Variants in MGAT5B observed in about 807,000 individuals in gnomAD.
MGAT5B encodes alpha-1,6-mannosylglycoprotein 6-beta-N-acetylglucosaminyltransferase B, also known as N-acetylglucosaminyl-transferase Vb.
In MGAT5B, 54 loss-of-function variants were observed where a neutral mutation model predicts 95.1. The observed-to-expected ratio is 0.57, with a 90% confidence interval of 0.46 to 0.71. The LOEUF (loss-of-function observed/expected upper bound fraction) is 0.71, where lower values mean the gene tolerates loss of function less well. Among genes scored for constraint, MGAT5B ranks in the 30% least tolerant of loss-of-function variants. The pLI, the probability that MGAT5B is intolerant of heterozygous loss-of-function variation, is 0.00. For missense variants in MGAT5B, 935 were observed against 1,088.6 expected, an observed-to-expected ratio of 0.86 and a Z score of 1.99; for synonymous variants, 464 against 451.0, an observed-to-expected ratio of 1.03 and a Z score of -0.36.
chr17:76,941,616 T>C (rs1321344295), intron 15 of MGAT5B, among the ~76,000 whole-genome samples: 1 of 152,202 alleles, frequency 6.6e-6, no homozygotes, highest in Non-Finnish European at 1.5e-5. Flanking sequence ...ATCCAGCACT[T>C]TGGGAGGCCG....
Position 76,868,959 on chromosome 17 carries a change from G to A in MGAT5B, c.-71G>A. 1.3e-6 allele frequency: 2 copies of A among 1,485,080 alleles called. No homozygotes were observed. The highest frequency in any genetic ancestry group is 1.4e-5 in the African/African-American group (1 of 71,442). The allele number at this position is 1,485,080 out of a possible 1,614,324, so 92.0% of individuals were successfully genotyped here. ...CCCGCAGAGGGTTCGTGGCCCGGAC[G>A]CGGCGAGAGCTGGGCCCAGGACGGT... is the stretch of plus-strand genomic sequence containing the variant. On this transcript the variant is annotated 5_prime_UTR_variant, in exon 1 of 18. Transcript: ENST00000569840. This position sits in a 1 kb window ranked among gnomAD's most constrained non-coding sequence, Gnocchi z 6.3.
intron 16 of MGAT5B, among the ~76,000 whole-genome samples, chr17:76,946,748 G>A (rs940739499): frequency 4.6e-5 from 7 of 152,254 alleles, no homozygotes; most frequent in African/African-American, 1.2e-4. Flanking sequence ...ACAGTGGTTC[G>A]AAAGTCTGCT....
rs543557609 is a variant in MGAT5B, at chr17:76,931,757, G to A, written c.1292-888G>A. The stretch of plus-strand genomic sequence containing the variant: ...ACAGGAATGAGGAGGCGGCTGTCAG[G>A]GTGGTCCCATTGAGAGCTGATATGG... On this transcript the variant is annotated intron_variant, in intron 10 of 17. Transcript: ENST00000569840. Among the ~76,000 whole-genome samples the A allele has an allele frequency of 4.6e-5, 7 of 152,300 alleles. No homozygotes were observed. The South Asian group carries it at 1.4e-3, about 32-fold the overall frequency.
intron 5 of MGAT5B, 25 bp from the exon 6 acceptor site, chr17:76,904,227 C>T (rs562370064): frequency 6.3e-7 from 1 of 1,588,118 alleles, no homozygotes; most frequent in African/African-American, 1.3e-5. Context: ...GCGCAGCCCC[C>T]TGCCCAGCCT....
At chr17:76,947,686 A>T in intron 16 of MGAT5B, 144 bp from the exon 17 acceptor site, 1 of 1,327,028 alleles carries the variant, frequency 7.5e-7, no homozygotes, top group East Asian at 2.9e-5. Flanking sequence ...AAGTAAATGA[A>T]ATAATGCAGG....
intron 2 of MGAT5B, 54 bp from the exon 3 acceptor site, chr17:76,882,097 G>A (rs1370778925): frequency 7.1e-6 from 11 of 1,540,994 alleles, no homozygotes; most frequent in Non-Finnish European, 8.8e-7. Context: ...CGGACACCAG[G>A]TGGCCTCCAG....
chr17:76,872,708 G>T, intron 1 of MGAT5B, 143 bp from the exon 2 acceptor site: 1 of 1,549,938 alleles, frequency 6.5e-7, no homozygotes, highest in Non-Finnish European at 8.7e-7. Context: ...TGGGTCTGGA[G>T]CTCAGCCCCC....
intron 10 of MGAT5B, 63 bp from the exon 11 acceptor site, chr17:76,932,582 G>T (rs746035836): frequency 1.9e-6 from 3 of 1,605,190 alleles, no homozygotes; most frequent in Non-Finnish European, 2.6e-6. Flanking sequence ...GGCAGTCCAG[G>T]GAGGCCTGGG....
rs1289165130 is a variant in MGAT5B, at chr17:76,872,920, G to A, written c.138G>A (p.Ser46=). ...TGACGTCTCTGGGAGGCCAGTTCTC[G>A]GCCCGGCGCCTGGGGGACTCGCCAT... is the stretch of plus-strand genomic sequence containing the variant. ...FLMTSLGGQF[S]ARRLGDSPFT... is the part of the protein sequence containing the mutation. The change falls in exon 2 of 18, where the codon TCG becomes TCA. Residue 46 remains serine, a synonymous_variant. Coordinates refer to ENST00000569840, the MANE Select transcript of MGAT5B (RefSeq NM_001199172.2). 1.1e-5 allele frequency: 18 copies of A among 1,614,156 alleles called. No homozygotes were observed. Among genetic ancestry groups the A allele is most frequent in the East Asian group, 4.5e-5 (2 of 44,890 alleles).
At chr17:76,898,989 G>A (rs1770056790) in intron 3 of MGAT5B, among the ~76,000 whole-genome samples, 2 of 152,174 alleles carry the variant, frequency 1.3e-5, no homozygotes, top group African/African-American at 2.4e-5. Flanking sequence ...CTCCATTCGG[G>A]GTTTCAGGCT....
At position 76,938,189 on chromosome 17, in the gene MGAT5B, A is replaced by T; in HGVS notation, c.1584+46A>T. On this transcript the variant is annotated intron_variant, in intron 13 of 17. Coordinates refer to ENST00000569840, the MANE Select transcript of MGAT5B (RefSeq NM_001199172.2). The surrounding 1 kb of genome is among the most constrained non-coding windows in gnomAD (Gnocchi z 4.3). ...CCATTCTCACACTTGCCGGCTGCAG[A>T]CACTGAGGTCACCACCCATGCCTGC... is the stretch of plus-strand genomic sequence containing the variant. 2 of 1,604,052 alleles carry T rather than the reference A, an allele frequency of 1.2e-6. No homozygotes were observed. Among genetic ancestry groups the T allele is most frequent in the South Asian group, 2.2e-5 (2 of 90,356 alleles).
Position 76,870,314 on chromosome 17 carries a change from T to G in MGAT5B, c.68+1217T>G. Among the ~76,000 whole-genome samples the G allele has an allele frequency of 6.6e-6, 1 of 151,260 alleles. No individual in the cohort carries two copies. Among genetic ancestry groups the G allele is most frequent in the African/African-American group, 2.4e-5 (1 of 41,114 alleles). On this transcript the variant is annotated intron_variant, in intron 1 of 17. Transcript: ENST00000569840. This position sits in a 1 kb window ranked among gnomAD's most constrained non-coding sequence, Gnocchi z 5.0. ...AGGCTGGACCTCTGCGGTCCGGGGG[T>G]CCGGGAGGCCCGGAGAGCTGGTGCA... is the stretch of plus-strand genomic sequence containing the variant.
At position 76,950,290 on chromosome 17, in the gene MGAT5B, C is replaced by G. The variant is rs1226871492; in HGVS notation, c.*1452C>G. 3.3e-5 allele frequency: 5 copies of G among 152,438 alleles called. No individual in the cohort carries two copies. In the East Asian group the frequency reaches 9.7e-4, roughly 29 times the overall value. 9.4% of individuals were successfully genotyped at this position (152,438 alleles called of 1,614,324 possible). On this transcript the variant is annotated 3_prime_UTR_variant, in exon 18 of 18. Transcript: ENST00000569840. ...ATCTCATTGGTTCTCAAGGACTAAC[C>G]TGTGGGGGAAAGCAATAGAGACACT...
In MGAT5B at chr17:76,946,380, A is replaced by AC; in HGVS notation, c.1857dup (p.Tyr620LeufsTer93). The AC allele has an allele frequency of 6.2e-7, 1 of 1,605,352 alleles. No individual in the cohort carries two copies. Among genetic ancestry groups the AC allele is most frequent in the Non-Finnish European group, 8.5e-7 (1 of 1,175,492 alleles). ...GTCTGCCCATCCCTCCCACAGGTAG[A>AC]CCCCTACCTACCCTACGAGTACACC... On this transcript the variant is annotated frameshift_variant, in exon 16 of 18. Coordinates refer to ENST00000569840, the MANE Select transcript of MGAT5B (RefSeq NM_001199172.2). LOFTEE classifies it high-confidence loss of function.
intron 3 of MGAT5B, among the ~76,000 whole-genome samples, chr17:76,887,447 CT>C (rs1967679737): frequency 1.5e-5 from 2 of 129,742 alleles, no homozygotes; most frequent in African/African-American, 3.0e-5. Flanking sequence ...CCCTCCCTCC[CT>C]TCCTTCCTCC....
In MGAT5B at chr17:76,926,639, G is replaced by A. The variant is rs375661202; in HGVS notation, c.1200G>A (p.Ala400=). 4.1e-5 allele frequency: 66 copies of A among 1,612,488 alleles called. No individual in the cohort carries two copies. The East Asian group carries it at 4.9e-4, about 12-fold the overall frequency. ...TCGACACCTTCGGGACGGAACCTGC[G>A]TACAACCACGAGGAGTACGCCACGC... is the stretch of plus-strand genomic sequence containing the variant. The part of the protein sequence containing the change: ...RVIDTFGTEP[A]YNHEEYATLH... Residue 400 remains alanine, a synonymous_variant, in exon 10 of 18, where the codon GCG becomes GCA. Coordinates refer to ENST00000569840, the MANE Select transcript of MGAT5B (RefSeq NM_001199172.2).
chr17:76,910,170 C>T (rs1968682697), intron 8 of MGAT5B, among the ~76,000 whole-genome samples: 1 of 152,164 alleles, frequency 6.6e-6, no homozygotes, highest in Admixed American at 6.5e-5. Context: ...TGGCTCTCAC[C>T]CTGGTGACAT....
intron 10 of MGAT5B, among the ~76,000 whole-genome samples, chr17:76,928,534 G>GTA (rs1969386363): frequency 6.6e-6 from 1 of 151,854 alleles, no homozygotes; most frequent in Non-Finnish European, 1.5e-5. Context: ...GTGAAACCCC[G>GTA]TCTCTACTAA....
At chr17:76,937,315 AGATGGATGAATGAGAG>A (rs1307376037) in intron 12 of MGAT5B, among the ~76,000 whole-genome samples, 1 of 152,168 alleles carries the variant, frequency 6.6e-6, no homozygotes, top group Non-Finnish European at 1.5e-5. Flanking sequence ...TGGGCAGATA[AGATGGATGAATGAGAG>A]GATGGATGGA....
Sources: gnomAD v4.1 joint callset for allele counts (sites outside exome capture counted in the v4.1 genomes callset) on GRCh38, gnomAD v4.1.1 for gene constraint, Gnocchi (gnomAD v3.1) non-coding constraint, MANE v1.5 for transcripts, NCBI Gene and HGNC (gene_info 2026-07-23, HGNC 2026-07-21) for gene names.